Variants in SYDE1 observed in about 807,000 individuals in gnomAD.
SYDE1 encodes synapse defective Rho GTPase activating protein 1, also known as rho GTPase-activating protein SYDE1.
SYDE1 carries 34 observed loss-of-function variants against 63.3 expected under a neutral mutation model. The observed-to-expected ratio is 0.54, with a 90% confidence interval of 0.41 to 0.71. The LOEUF (loss-of-function observed/expected upper bound fraction) is 0.71. SYDE1 is among the 30% of genes least tolerant of loss of function. SYDE1 has a pLI of 0.00. For missense variants in SYDE1, 925 were observed against 1,042.5 expected, an observed-to-expected ratio of 0.89 and a Z score of 1.55; for synonymous variants, 467 against 473.4, an observed-to-expected ratio of 0.99 and a Z score of 0.18.
At position 15,107,474 on chromosome 19, in the gene SYDE1, G is replaced by C. The variant is rs2046314238; in HGVS notation, c.41G>C (p.Arg14Pro). The change falls in exon 1 of 8, where the codon CGG becomes CCG. Residue 14 changes from arginine to proline, a missense_variant. Coordinates refer to ENST00000342784, the MANE Select transcript of SYDE1 (RefSeq NM_033025.6). ...CTCAGGAAAACCTTCTCCCGCCTGC[G>C]GGGCCGGGAGAAACTTCCCCGGAAA... ...PLLRKTFSRL[R>P]GREKLPRKKS... 6.5e-7 allele frequency: 1 copy of C among 1,537,518 alleles called. No homozygotes were observed. Among genetic ancestry groups the C allele is most frequent in the Non-Finnish European group, 8.8e-7 (1 of 1,138,352 alleles).
At position 15,113,711 on chromosome 19, in the gene SYDE1, C is replaced by A; in HGVS notation, c.1956C>A (p.Ala652=). 2 of 1,613,578 alleles carry A rather than the reference C, an allele frequency of 1.2e-6. No individual in the cohort carries two copies. Among genetic ancestry groups the A allele is most frequent in the Non-Finnish European group, 1.7e-6 (2 of 1,179,842 alleles). The change falls in exon 8 of 8, where the codon GCC becomes GCA. Residue 652 remains alanine (A), a synonymous_variant. Transcript: ENST00000342784. ...GPESPPSNRY[A]GDWSVCGRDF... ...AAAGCCCCCCGAGCAACCGCTACGC[C>A]GGCGACTGGAGCGTTTGCGGGCGGG...
rs2046346617 is a variant in SYDE1, at chr19:15,111,652, C to T, written c.1438C>T (p.Arg480Ter). 3 of 1,613,832 alleles carry T rather than the reference C, an allele frequency of 1.9e-6. No homozygotes were observed. Among genetic ancestry groups the T allele is most frequent in the African/African-American group, 1.3e-5 (1 of 74,896 alleles). The change falls in exon 6 of 8, where the codon CGA (arginine) becomes TGA (stop). Residue 480 changes from arginine (R) to a stop codon, truncating the protein, a stop_gained. Coordinates refer to ENST00000342784, the MANE Select transcript of SYDE1 (RefSeq NM_033025.6). LOFTEE classifies it high-confidence loss of function. This position sits in a 1 kb window ranked among gnomAD's most constrained non-coding sequence, Gnocchi z 5.5. Reference protein sequence around the residue: ...VITGILKDYLRELPTPLITQP... With the variant: ...VITGILKDYL ...CACAGGCATCCTCAAGGATTATCTT[C>T]GAGAGTTGCCCACCCCACTCATCAC...
rs375316079 is a variant in SYDE1, at chr19:15,113,733, C to T, written c.1978C>T (p.Arg660Trp). ...CGCCGGCGACTGGAGCGTTTGCGGG[C>T]GGGACTTCCTGCCCTGTGGGCGGGA... is the stretch of plus-strand genomic sequence containing the variant. The part of the protein sequence containing the change: ...RYAGDWSVCG[R>W]DFLPCGRDFL... The change falls in exon 8 of 8, where the codon CGG becomes TGG. Residue 660 changes from arginine (R) to tryptophan (W), a missense_variant. Arg to Trp is a moderately radical substitution (Grantham distance 101). Coordinates refer to ENST00000342784, the MANE Select transcript of SYDE1 (RefSeq NM_033025.6). 106 of 1,613,508 alleles carry T rather than the reference C, an allele frequency of 6.6e-5. No individual in the cohort carries two copies. The highest frequency in any genetic ancestry group is 2.9e-5 in the Non-Finnish European group (34 of 1,179,776).
chr19:15,109,876 C>T lies in SYDE1; in HGVS notation c.603C>T (p.Ile201=), dbSNP rs1176500304. Residue 201 remains isoleucine (I), a synonymous_variant, in exon 3 of 8, where the codon ATC becomes ATT. Transcript: ENST00000342784. The surrounding 1 kb of genome is among the most constrained non-coding windows in gnomAD (Gnocchi z 5.0). The part of the protein sequence containing the change: ...RERAAPAGSV[I]SRYHLDSSVG... ...GGGCTGCCCCTGCGGGCTCCGTCAT[C>T]AGCCGCTACCACCTGGACAGCAGCG... 6.6e-7 allele frequency: 1 copy of T among 1,521,380 alleles called. No homozygotes were observed. Among genetic ancestry groups the T allele is most frequent in the African/African-American group, 1.4e-5 (1 of 72,100 alleles). The allele number at this position is 1,521,380 out of a possible 1,614,324, so 94.2% of individuals were successfully genotyped here.
Position 15,112,382 on chromosome 19 carries a change from G to A in SYDE1, c.1615G>A (p.Val539Ile), listed in dbSNP as rs2046350727. 1.3e-6 allele frequency: 2 copies of A among 1,588,948 alleles called. No individual in the cohort carries two copies. The highest frequency in any genetic ancestry group is 1.7e-6 in the Non-Finnish European group (2 of 1,167,598). ...GCTTCTCCTGGACCACCTGCGCCTC[G>A]TCTCCTCCTTCCATGCCTACAACCG... ...LTLLLDHLRL[V>I]SSFHAYNRMT... The change falls in exon 7 of 8, where the codon GTC (valine) becomes ATC (isoleucine). Residue 539 changes from valine (V) to isoleucine (I), a missense_variant. Val to Ile is a conservative substitution (Grantham distance 29). This residue lies in a region of SYDE1 where 71 missense variants were observed against 132.8 expected (regional missense o/e 0.53). Coordinates refer to ENST00000342784, the MANE Select transcript of SYDE1 (RefSeq NM_033025.6).
Position 15,108,722 on chromosome 19 carries a change from G to A in SYDE1, c.89-334G>A. ...TTGCCCAAGGCCACGCAGGTGCAAA[G>A]CTCCATGCCACGGTTATTGAGAGGG... On this transcript the variant is annotated intron_variant, in intron 1 of 7. Transcript: ENST00000342784. The surrounding 1 kb of genome is among the most constrained non-coding windows in gnomAD (Gnocchi z 4.3). The A allele has an allele frequency of 3.9e-6, 1 of 257,688 alleles. No homozygotes were observed. The highest frequency in any genetic ancestry group is 7.3e-6 in the Non-Finnish European group (1 of 136,688). The allele number at this position is 257,688 out of a possible 1,614,324, so 16.0% of individuals were successfully genotyped here. A position where few individuals can be genotyped will look rare whatever the true frequency, so the allele number is the denominator to read the frequency against.
chr19:15,107,654 C>T, intron 1 of SYDE1, 133 bp downstream of exon 1: 1 of 392,682 alleles, frequency 2.5e-6, no homozygotes, highest in East Asian at 6.5e-5. Flanking sequence ...ACTGGGGTGC[C>T]TCCAGCCAGG....
At position 15,113,841 on chromosome 19, in the gene SYDE1, A is replaced by G. The variant is rs976113674; in HGVS notation, c.2086A>G (p.Thr696Ala). ...CGAGGAGGTCGGCGAGCCGAGGGTC[A>G]CCGGTGACTTCGAAGACGACTTCGA... ...EDEEVGEPRVTGDFEDDFDAP... is the reference protein window; with the variant it reads ...EDEEVGEPRVAGDFEDDFDAP... The change falls in exon 8 of 8, where the codon ACC becomes GCC. Residue 696 changes from threonine (T) to alanine (A), a missense_variant. Physicochemically the swap from Thr to Ala is moderately conservative, Grantham distance 58 (BLOSUM62 0). Transcript: ENST00000342784. 1 of 1,614,086 alleles carries G rather than the reference A, an allele frequency of 6.2e-7. No homozygotes were observed. Among genetic ancestry groups the G allele is most frequent in the Non-Finnish European group, 8.5e-7 (1 of 1,180,050 alleles).
chr19:15,109,738 C>T lies in SYDE1; in HGVS notation c.465C>T (p.Ser155=), dbSNP rs1313110457. 6.5e-7 allele frequency: 1 copy of T among 1,534,066 alleles called. No individual in the cohort carries two copies. The highest frequency in any genetic ancestry group is 8.8e-7 in the Non-Finnish European group (1 of 1,141,068). The change falls in exon 3 of 8, where the codon TCC becomes TCT. Residue 155 remains serine (S), a synonymous_variant. Coordinates refer to ENST00000342784, the MANE Select transcript of SYDE1 (RefSeq NM_033025.6). The surrounding 1 kb of genome is among the most constrained non-coding windows in gnomAD (Gnocchi z 5.0). ...AAPASPPTKA[S]RTKSPGPARR... ...CCGCCAGCCCCCCAACCAAAGCCTC[C>T]CGCACCAAGTCCCCGGGCCCCGCCA...
rs1047675050 is a variant in SYDE1 at position 15,108,630 on chromosome 19, C to A, written c.89-426C>A. Among the ~76,000 whole-genome samples, 1 of 152,182 alleles carries A rather than the reference C, an allele frequency of 6.6e-6. No individual in the cohort carries two copies. The highest frequency in any genetic ancestry group is 2.4e-5 in the African/African-American group (1 of 41,446). On this transcript the variant is annotated intron_variant, in intron 1 of 7. Transcript: ENST00000342784. This position sits in a 1 kb window ranked among gnomAD's most constrained non-coding sequence, Gnocchi z 4.3. ...TTTTCCAAAAGGCTCCTGGAAGCCT[C>A]CCTGGACATGGAAATCACATCCCCC...
In SYDE1 at chr19:15,112,350, CG is replaced by C; in HGVS notation, c.1584del (p.Leu529Ter). 1 of 1,561,336 alleles carries C rather than the reference CG, an allele frequency of 6.4e-7. No homozygotes were observed. The highest frequency in any genetic ancestry group is 8.7e-7 in the Non-Finnish European group (1 of 1,151,804). On this transcript the variant is annotated frameshift_variant, in exon 7 of 8. Coordinates refer to ENST00000342784, the MANE Select transcript of SYDE1 (RefSeq NM_033025.6). LOFTEE classifies it high-confidence loss of function. ...ATCCTCTCAACCCTCTCCCAGGCCA[CG>C]CTGACGCTTCTCCTGGACCACCTGC... ...LSCLPDVERA[T>X]LTLLLDHLRL... is the part of the protein sequence containing the mutation.
rs2046366567 is a variant in SYDE1 at position 15,114,062 on chromosome 19, C to A, written c.*99C>A. The A allele has an allele frequency of 1.6e-6, 2 of 1,280,976 alleles. No homozygotes were observed. Among genetic ancestry groups the A allele is most frequent in the African/African-American group, 1.5e-5 (1 of 67,438 alleles). The allele number at this position is 1,280,976 out of a possible 1,614,324, so 79.4% of individuals were successfully genotyped here. A position where few individuals can be genotyped will look rare whatever the true frequency, so the allele number is the denominator to read the frequency against. On this transcript the variant is annotated 3_prime_UTR_variant, in exon 8 of 8. Coordinates refer to ENST00000342784, the MANE Select transcript of SYDE1 (RefSeq NM_033025.6). ...AGGAGAGCCAGACCTGTTGCTCAGG[C>A]CGAGCTCCTGGTTGCCAGCGAGTTA...
rs371184083 is a variant in SYDE1 at position 15,113,823 on chromosome 19, G to A, written c.2068G>A (p.Val690Ile). 38 of 1,614,032 alleles carry A rather than the reference G, an allele frequency of 2.4e-5. No individual in the cohort carries two copies. The highest frequency in any genetic ancestry group is 3.1e-5 in the Non-Finnish European group (36 of 1,180,058). Residue 690 changes from valine to isoleucine, a missense_variant, in exon 8 of 8, where the codon GTC (valine) becomes ATC (isoleucine). This residue lies in a region of SYDE1 where 255 missense variants were observed against 255.9 expected (regional missense o/e 1.00). Coordinates refer to ENST00000342784, the MANE Select transcript of SYDE1 (RefSeq NM_033025.6). The stretch of plus-strand genomic sequence containing the variant: ...TGACAGCGAGGACGAGGACGAGGAG[G>A]TCGGCGAGCCGAGGGTCACCGGTGA... ...GSDSEDEDEE[V>I]GEPRVTGDFE...
At chr19:15,112,218 T>G in intron 6 of SYDE1, 128 bp from the exon 7 acceptor site, 1 of 646,156 alleles carries the variant, frequency 1.5e-6, no homozygotes. Flanking sequence ...TTAATAGTCT[T>G]AACCCGACCA....
chr19:15,113,834 G>A lies in SYDE1; in HGVS notation c.2079G>A (p.Pro693=), dbSNP rs374524400. The part of the protein sequence containing the change: ...SEDEDEEVGE[P]RVTGDFEDDF... Reference sequence around the variant, plus strand: ...ACGAGGACGAGGAGGTCGGCGAGCCGAGGGTCACCGGTGACTTCGAAGACG... The same window carrying A: ...ACGAGGACGAGGAGGTCGGCGAGCCAAGGGTCACCGGTGACTTCGAAGACG... Residue 693 remains proline, a synonymous_variant, in exon 8 of 8, where the codon CCG becomes CCA. Transcript: ENST00000342784. 6.8e-5 allele frequency: 110 copies of A among 1,614,052 alleles called. No homozygotes were observed. Among genetic ancestry groups the A allele is most frequent in the Middle Eastern group, 4.9e-4 (3 of 6,084 alleles).
rs1301016761 is a variant in SYDE1, at chr19:15,109,364, G to A, written c.397G>A (p.Gly133Ser). ...PAPEPPGPQP[G>S]SAESEGLAPQ... is the part of the protein sequence containing the mutation. ...ACCTGAGCCCCCGGGGCCACAGCCT[G>A]GCTCAGCTGAGTCAGAGGGCCTGGC... Residue 133 changes from glycine (G) to serine (S), a missense_variant, in exon 2 of 8, where the codon GGC becomes AGC. Around this residue, in one of 3 missense-constraint regions of SYDE1, gnomAD observed 599 missense variants for 653.7 expected, o/e 0.92. Transcript: ENST00000342784. The surrounding 1 kb of genome is among the most constrained non-coding windows in gnomAD (Gnocchi z 5.0). 4.4e-6 allele frequency: 7 copies of A among 1,578,446 alleles called. 1 individual carries two copies. In the South Asian group the frequency reaches 8.1e-5, roughly 18 times the overall value.
chr19:15,113,855 AGAC>A lies in SYDE1; in HGVS notation c.2104_2106del (p.Asp702del), dbSNP rs746761208. The A allele has an allele frequency of 1.2e-6, 2 of 1,614,204 alleles. No homozygotes were observed. Among genetic ancestry groups the A allele is most frequent in the East Asian group, 4.5e-5 (2 of 44,878 alleles). The stretch of plus-strand genomic sequence containing the variant: ...AGCCGAGGGTCACCGGTGACTTCGA[AGAC>A]GACTTCGATGCGCCCTTCAACCCGC... On this transcript the variant is annotated inframe_deletion, in exon 8 of 8. Transcript: ENST00000342784.
In SYDE1 at chr19:15,114,081, C is replaced by G; in HGVS notation, c.*118C>G. The G allele has an allele frequency of 3.0e-6, 3 of 1,012,458 alleles. No individual in the cohort carries two copies. The highest frequency in any genetic ancestry group is 1.5e-5 in the South Asian group (1 of 64,952). The allele number at this position is 1,012,458 out of a possible 1,614,324, so 62.7% of individuals were successfully genotyped here. On this transcript the variant is annotated 3_prime_UTR_variant, in exon 8 of 8. Coordinates refer to ENST00000342784, the MANE Select transcript of SYDE1 (RefSeq NM_033025.6). ...CTCAGGCCGAGCTCCTGGTTGCCAG[C>G]GAGTTACCACGGGACCAGTCGCGTG...
Position 15,113,861 on chromosome 19 carries a change from C to G in SYDE1, c.2106C>G (p.Asp702Glu). ...EPRVTGDFED[D>E]FDAPFNPHLN... ...GGGTCACCGGTGACTTCGAAGACGA[C>G]TTCGATGCGCCCTTCAACCCGCACC... The change falls in exon 8 of 8, where the codon GAC becomes GAG. Residue 702 changes from aspartate (D) to glutamate (E), a missense_variant. Physicochemically the swap from Asp to Glu is conservative, Grantham distance 45 (BLOSUM62 2). Around this residue, in one of 3 missense-constraint regions of SYDE1, gnomAD observed 255 missense variants for 255.9 expected, o/e 1.00. Coordinates refer to ENST00000342784, the MANE Select transcript of SYDE1 (RefSeq NM_033025.6). 1 of 1,614,216 alleles carries G rather than the reference C, an allele frequency of 6.2e-7. No homozygotes were observed.
Sources: gnomAD v4.1 joint callset for allele counts (sites outside exome capture counted in the v4.1 genomes callset) on GRCh38, gnomAD v4.1.1 for gene constraint, gnomAD v4.1.1 regional missense constraint, Gnocchi (gnomAD v3.1) non-coding constraint, MANE v1.5 for transcripts, NCBI Gene and HGNC (gene_info 2026-07-23, HGNC 2026-07-21) for gene names.